CFAP43: variants seen among roughly 807,000 people sequenced by gnomAD.
The protein encoded by CFAP43 is cilia and flagella associated protein 43.
CFAP43 carries 155 observed loss-of-function variants against 218.9 expected under a neutral mutation model. The observed-to-expected ratio is 0.71, with a 90% CI of 0.62 to 0.81. The LOEUF is 0.81. Ranked by LOEUF, CFAP43 falls within the 30% of genes least tolerant of loss-of-function variation. The probability of loss-of-function intolerance (pLI) is 0.00; values close to 1 mark genes in which losing one functional copy is unlikely to be tolerated. For synonymous variants in CFAP43, 645 were observed against 681.3 expected (o/e 0.95, Z 0.83); for missense variants, 1,778 against 1,954.3 (o/e 0.91, Z 1.70).
chr10:104,188,552 C>T (rs1174080414), intron 12 of CFAP43, 142 bp from the exon 13 acceptor site: 1 of 1,092,834 alleles, frequency 9.2e-7, no homozygotes, highest in Non-Finnish European at 1.3e-6. Flanking sequence ...TTTAAAGTGA[C>T]CTTTAAACAT....
chr10:104,149,641 C>A (rs76056791), intron 28 of CFAP43, among the ~76,000 whole-genome samples: 2,638 of 152,186 alleles, frequency 0.017, 84 homozygotes, highest in African/African-American at 0.061. Flanking sequence ...CTTAAATTGT[C>A]TCATTTAAAG....
intron 16 of CFAP43, among the ~76,000 whole-genome samples, chr10:104,183,573 T>C (rs867853871): frequency 6.6e-6 from 1 of 152,042 alleles, no homozygotes; most frequent in South Asian, 2.1e-4. Context: ...GTATTTTTAG[T>C]AGAGACGGGG....
intron 34 of CFAP43, among the ~76,000 whole-genome samples, chr10:104,135,031 A>G (rs1010369449): frequency 1.3e-5 from 2 of 152,198 alleles, no homozygotes; most frequent in African/African-American, 4.8e-5. Flanking sequence ...GATTATAACT[A>G]TGACCAAGTG....
chr10:104,156,858 T>C (rs1299369462), intron 27 of CFAP43, among the ~76,000 whole-genome samples: 1 of 152,182 alleles, frequency 6.6e-6, no homozygotes, highest in Non-Finnish European at 1.5e-5. Context: ...GGGGTTTATA[T>C]GGCTAAATCG....
At chr10:104,216,205 T>A (rs1025863794) in intron 3 of CFAP43, among the ~76,000 whole-genome samples, 3 of 152,184 alleles carry the variant, frequency 2.0e-5, no homozygotes, top group Admixed American at 1.3e-4. Context: ...TCCATTGACA[T>A]AGCTATATCC....
chr10:104,145,243 C>T (rs2087905484), intron 31 of CFAP43, among the ~76,000 whole-genome samples: 3 of 152,232 alleles, frequency 2.0e-5, no homozygotes, highest in African/African-American at 7.2e-5. Flanking sequence ...CGTGCTTACA[C>T]AGATCCTTAA....
Position 104,187,473 on chromosome 10 carries a change from A to C in CFAP43, c.1707T>G (p.Asp569Glu), listed in dbSNP as rs755195912. ...LLPQVSTTFADERGRLKDEII... is the reference protein window; with the variant it reads ...LLPQVSTTFAEERGRLKDEII... ...TTTCATCTTTCAGCCTTCCTCTTTC[A>C]TCAGCAAAGGTTGTGGAAACTATTA... is the stretch of plus-strand genomic sequence containing the variant. Residue 569 changes from aspartate (D) to glutamate (E), a missense_variant, in exon 14 of 38, where the codon GAT (aspartate) becomes GAG (glutamate). By Grantham distance (45) the Asp-to-Glu change is conservative. Around this residue, in one of 3 missense-constraint regions of CFAP43, gnomAD observed 1,553 missense variants for 1,685.2 expected, o/e 0.92. Transcript: ENST00000357060. 1 of 1,594,692 alleles carries C rather than the reference A, an allele frequency of 6.3e-7. No homozygotes were observed. Among genetic ancestry groups the C allele is most frequent in the South Asian group, 1.1e-5 (1 of 86,978 alleles).
At chr10:104,216,732 A>T (rs1208812512) in intron 3 of CFAP43, among the ~76,000 whole-genome samples, 1 of 152,046 alleles carries the variant, frequency 6.6e-6, no homozygotes, top group East Asian at 1.9e-4. Context: ...CACCTTCGAG[A>T]TAGAGTAACC....
chr10:104,179,968 A>G (rs1366663106), intron 17 of CFAP43, 36 bp from the exon 18 acceptor site: 1 of 1,552,744 alleles, frequency 6.4e-7, no homozygotes, highest in Non-Finnish European at 8.8e-7. Flanking sequence ...CATGTCTTAA[A>G]GTTAAAATTC....
At chr10:104,181,411 T>C (rs1485395754) in intron 17 of CFAP43, among the ~76,000 whole-genome samples, 1 of 152,210 alleles carries the variant, frequency 6.6e-6, no homozygotes, top group East Asian at 1.9e-4. Flanking sequence ...CTGCTTCTGA[T>C]CCTTCTTATC....
At chr10:104,152,066 A>T (rs756007326) in intron 28 of CFAP43, among the ~76,000 whole-genome samples, 4 of 151,920 alleles carry the variant, frequency 2.6e-5, no homozygotes, top group Non-Finnish European at 4.4e-5. Context: ...ATTTTTTTTC[A>T]CCTGATCTTT....
intron 13 of CFAP43, 86 bp downstream of exon 13, chr10:104,188,184 A>G: frequency 6.5e-7 from 1 of 1,532,738 alleles, no homozygotes; most frequent in Admixed American, 2.0e-5. Flanking sequence ...TTCACATGCC[A>G]AGATAAAAAC....
intron 17 of CFAP43, among the ~76,000 whole-genome samples, chr10:104,180,141 T>A (rs568418816): frequency 6.6e-6 from 1 of 152,334 alleles, no homozygotes; most frequent in African/African-American, 2.4e-5. Context: ...CAGCTTCCAC[T>A]GAGGAAGCAG....
At chr10:104,213,408 C>T (rs2090920525) in intron 4 of CFAP43, among the ~76,000 whole-genome samples, 1 of 152,170 alleles carries the variant, frequency 6.6e-6, no homozygotes, top group South Asian at 2.1e-4. Context: ...TCAACAAAAG[C>T]ACCCATTATC....
chr10:104,167,600 C>T (rs763979552), intron 22 of CFAP43, 21 bp downstream of exon 22: 6 of 1,558,346 alleles, frequency 3.9e-6, no homozygotes, highest in Admixed American at 2.0e-5. Context: ...TATATAAACA[C>T]ATGTATATTT....
chr10:104,202,160 T>C (rs555273498), intron 8 of CFAP43, among the ~76,000 whole-genome samples: 3 of 152,356 alleles, frequency 2.0e-5, no homozygotes, highest in South Asian at 4.1e-4. Flanking sequence ...AGGCTAGTTT[T>C]GCCCCATGGA....
At chr10:104,149,788 C>A (rs1256173191) in intron 28 of CFAP43, among the ~76,000 whole-genome samples, 1 of 152,148 alleles carries the variant, frequency 6.6e-6, no homozygotes, top group Non-Finnish European at 1.5e-5. Flanking sequence ...AATTCACATA[C>A]CATACAATTC....
intron 27 of CFAP43, among the ~76,000 whole-genome samples, chr10:104,158,052 G>A (rs1380084095): frequency 6.6e-6 from 1 of 152,152 alleles, no homozygotes; most frequent in African/African-American, 2.4e-5. Context: ...AAATAATAAT[G>A]ATAGTCATGG....
intron 7 of CFAP43, among the ~76,000 whole-genome samples, chr10:104,205,212 C>CAAAAAAAAAAAA (rs71022723): frequency 8.8e-5 from 5 of 56,528 alleles, no homozygotes; most frequent in Non-Finnish European, 1.4e-4. Flanking sequence ...GACTCCGTCT[C>CAAAAAAAAAAAA]AAAAAAAAAA....
Sources: gnomAD v4.1 joint callset for allele counts (sites outside exome capture counted in the v4.1 genomes callset) on GRCh38, gnomAD v4.1.1 for gene constraint, gnomAD v4.1.1 regional missense constraint, MANE v1.5 for transcripts, NCBI Gene and HGNC (gene_info 2026-07-23, HGNC 2026-07-21) for gene names.